The following EMB variants were observed in gnomAD, a reference collection of about 807,000 sequenced individuals.
EMB encodes the protein embigin homolog.
Under a neutral mutation model 41.4 loss-of-function variants are expected in EMB, and 31 were observed. The ratio of observed to expected loss-of-function variants is 0.75; its 90% confidence interval spans 0.56 to 1.01. The LOEUF is 1.01. EMB is among the 50% of genes least tolerant of loss of function. EMB has a pLI of 0.00. For missense variants in EMB, 379 were observed against 388.3 expected, an observed-to-expected ratio of 0.98 and a Z score of 0.20; for synonymous variants, 137 against 140.4, an observed-to-expected ratio of 0.98 and a Z score of 0.17.
At chr5:50,399,403 C>T (rs563521223) in intron 8 of EMB, 113 bp from the exon 9 acceptor site, 6 of 1,431,972 alleles carry the variant, frequency 4.2e-6, no homozygotes, top group Admixed American at 2.4e-5. Flanking sequence ...ATCCAATCTA[C>T]TGCCAAAACA....
intron 4 of EMB, among the ~76,000 whole-genome samples, chr5:50,407,128 G>T (rs1745261578): frequency 6.6e-6 from 1 of 151,938 alleles, no homozygotes; most frequent in African/African-American, 2.4e-5. Context: ...TTATCTCTCA[G>T]ATATCCTATT....
At chr5:50,434,762 T>C (rs1745776880) in intron 1 of EMB, among the ~76,000 whole-genome samples, 1 of 152,204 alleles carries the variant, frequency 6.6e-6, no homozygotes, top group Non-Finnish European at 1.5e-5. Context: ...TCTTTAAAGG[T>C]AACATTCATA....
intron 2 of EMB, among the ~76,000 whole-genome samples, chr5:50,420,213 C>T (rs6450099): frequency 0.39 from 59,976 of 151,940 alleles, 12,374 homozygotes; most frequent in African/African-American, 0.51. Context: ...TAACTGGATT[C>T]CATCAAAGGA....
rs139571495 is a variant in EMB, at chr5:50,403,188, C to G, written c.867G>C (p.Lys289Asn). 3.4e-5 allele frequency: 54 copies of G among 1,590,904 alleles called. No individual in the cohort carries two copies. The African/African-American group carries it at 6.3e-4, about 18-fold the overall frequency. The change falls in exon 6 of 9, where the codon AAG becomes AAC. Residue 289 changes from lysine (K) to asparagine (N), a missense_variant. Lys to Asn is a moderately conservative substitution (Grantham distance 94). Coordinates refer to ENST00000303221, the MANE Select transcript of EMB (RefSeq NM_198449.3). ...LLCEKYTQKK[K>N]KHSDEGKEFE... The stretch of plus-strand genomic sequence containing the variant: ...AAAAAGAAATCCCACCTGAGTGCTT[C>G]TTTTTCTTTTGTGTGTACTTTTCAC...
chr5:50,427,489 CATTATTATTATTATTATTAT>C (rs1438636641), intron 2 of EMB, among the ~76,000 whole-genome samples: 2 of 149,398 alleles, frequency 1.3e-5, no homozygotes, highest in African/African-American at 4.9e-5. Flanking sequence ...TAAATGAAGA[CATTATTATTATTATTATTAT>C]ATTATTATTA....
chr5:50,424,445 A>G (rs570823353), intron 2 of EMB, among the ~76,000 whole-genome samples: 20 of 152,132 alleles, frequency 1.3e-4, no homozygotes, highest in Non-Finnish European at 2.4e-4. Flanking sequence ...TCTTAGAGAG[A>G]GGAAGGATTT....
At chr5:50,404,440 G>A (rs1360404270) in intron 5 of EMB, among the ~76,000 whole-genome samples, 2 of 151,888 alleles carry the variant, frequency 1.3e-5, no homozygotes, top group African/African-American at 4.8e-5. Context: ...AAAGGCACTT[G>A]TGCTCAAGTT....
chr5:50,407,750 C>T (rs555630224), intron 4 of EMB, among the ~76,000 whole-genome samples: 63 of 151,972 alleles, frequency 4.1e-4, no homozygotes, highest in African/African-American at 5.3e-4. Context: ...TGTGCCCTGT[C>T]GACCTTTTAA....
intron 7 of EMB, among the ~76,000 whole-genome samples, chr5:50,401,679 T>A (rs1050256213): frequency 1.3e-5 from 2 of 151,974 alleles, no homozygotes; most frequent in African/African-American, 4.8e-5. Flanking sequence ...ACAAAGGCTG[T>A]GTAAGAGAAC....
At chr5:50,412,470 C>A (rs1412548119) in intron 2 of EMB, among the ~76,000 whole-genome samples, 1 of 152,068 alleles carries the variant, frequency 6.6e-6, no homozygotes, top group Non-Finnish European at 1.5e-5. Context: ...CATGAGAAAT[C>A]TTCACACCAC....
intron 1 of EMB, among the ~76,000 whole-genome samples, chr5:50,437,238 T>G (rs1245499517): frequency 2.0e-5 from 3 of 152,038 alleles, no homozygotes; most frequent in Admixed American, 1.3e-4. Context: ...GCCTCGGTAC[T>G]CCAGCCTGAG....
In EMB at chr5:50,399,232, T is replaced by C. The variant is rs752114034; in HGVS notation, c.*41A>G. 32 of 1,601,556 alleles carry C rather than the reference T, an allele frequency of 2.0e-5. No homozygotes were observed. The African/African-American group carries it at 4.2e-4, about 21-fold the overall frequency. ...GGATAAACAAAGCTGAAATACGAAC[T>C]CTGTATATCTTCCAATGATTCTCGA... On this transcript the variant is annotated 3_prime_UTR_variant, in exon 9 of 9. Coordinates refer to ENST00000303221, the MANE Select transcript of EMB (RefSeq NM_198449.3).
chr5:50,419,968 G>C lies in EMB; in HGVS notation c.196+8176C>G, dbSNP rs112164772. On this transcript the variant is annotated intron_variant, in intron 2 of 8. Coordinates refer to ENST00000303221, the MANE Select transcript of EMB (RefSeq NM_198449.3). ...ACCGCATGTTCTCACTTATAAGTGG[G>C]AGCTGAACAATAAGAACACATGGAC... is the stretch of plus-strand genomic sequence containing the variant. Among the ~76,000 whole-genome samples the C allele has an allele frequency of 9.8e-3, 1,490 of 152,202 alleles. 14 individuals carry two copies. Among genetic ancestry groups the C allele is most frequent in the Non-Finnish European group, 0.012 (787 of 68,010 alleles).
chr5:50,428,805 T>C (rs1344682533), intron 1 of EMB: 1 of 929,898 alleles, frequency 1.1e-6, no homozygotes, highest in African/African-American at 1.8e-5. Flanking sequence ...TCTCTCCTTT[T>C]GAAAACTTTA....
rs570631093 is a variant in EMB, at chr5:50,438,638, C to T, written c.112+2402G>A. 3.8e-4 allele frequency among the ~76,000 whole-genome samples: 58 copies of T among 152,302 alleles called. 2 individuals are homozygous for T. In the South Asian group the frequency reaches 0.012, roughly 31 times the overall value. On this transcript the variant is annotated intron_variant, in intron 1 of 8. Transcript: ENST00000303221. ...GGTCAAAAATATCCAGTAAACCTCA[C>T]AATATCCTTTGGCAAAGAGAAAAAT...
In EMB at chr5:50,409,474, C is replaced by T. The variant is rs149252739; in HGVS notation, c.472+1403G>A. ...TGAGCATTTCCTCAGAATCTGTAGG[C>T]CTTCTTTACATATTTTTTAAAAACT... On this transcript the variant is annotated intron_variant, in intron 4 of 8. Transcript: ENST00000303221. Among the ~76,000 whole-genome samples the T allele has an allele frequency of 2.8e-3, 430 of 152,028 alleles. 3 individuals carry two copies. Among genetic ancestry groups the T allele is most frequent in the African/African-American group, 9.9e-3 (412 of 41,456 alleles).
intron 1 of EMB, among the ~76,000 whole-genome samples, chr5:50,440,146 G>A (rs1037652140): frequency 2.0e-5 from 3 of 152,020 alleles, no homozygotes; most frequent in African/African-American, 4.8e-5. Context: ...CAAAGACCAC[G>A]GTGTAAAATG....
chr5:50,428,146 G>A lies in EMB; in HGVS notation c.194C>T (p.Thr65Ile), dbSNP rs777224799. ...FSLESHNISL[T>I]EHSSMPVEKN... ...TATTTGAAACATGATACATTTACCA[G>A]TCAGTGATATGTTATGACTCTCCAA... The change falls in exon 2 of 9, where the codon ACT becomes ATT. Residue 65 changes from threonine (T) to isoleucine (I), a missense_variant and splice_region_variant. Transcript: ENST00000303221. 8.2e-6 allele frequency: 13 copies of A among 1,591,000 alleles called. No individual in the cohort carries two copies. The South Asian group carries it at 1.5e-4, about 18-fold the overall frequency.
rs1253770660 is a variant in EMB, at chr5:50,412,919, G to A, written c.197-1536C>T. Among the ~76,000 whole-genome samples, 9 of 126,718 alleles carry A rather than the reference G, an allele frequency of 7.1e-5. No homozygotes were observed. The East Asian group carries it at 1.5e-3, about 21-fold the overall frequency. 83.1% of individuals were successfully genotyped at this position (126,718 alleles called of 152,430 possible). On this transcript the variant is annotated intron_variant, in intron 2 of 8. Transcript: ENST00000303221. ...TTTACACCAGTATCCCAGAAATCTG[G>A]GATTTCTGGGATACTGGTGTAAAAA...
Sources: allele counts gnomAD v4.1 joint callset (sites outside exome capture counted in the v4.1 genomes callset), GRCh38; gene constraint gnomAD v4.1.1; transcripts MANE v1.5; gene names NCBI Gene and HGNC (gene_info 2026-07-23, HGNC 2026-07-21).